Variants in CDIN1 observed in about 807,000 individuals in gnomAD.
The protein encoded by CDIN1 is CDAN1 interacting nuclease 1, also known as CDAN1-interacting nuclease 1.
Under a neutral mutation model 45.3 loss-of-function variants are expected in CDIN1, and 33 were observed. The ratio of observed to expected loss-of-function variants is 0.73; its 90% CI spans 0.55 to 0.97. The LOEUF is 0.97. Ranked by LOEUF, CDIN1 falls within the 50% of genes least tolerant of loss-of-function variation. The pLI is 0.00. For synonymous variants in CDIN1, 118 were observed against 124.4 expected (o/e 0.95, Z 0.34); for missense variants, 303 against 339.4 (o/e 0.89, Z 0.84).
intron 10 of CDIN1, among the ~76,000 whole-genome samples, chr15:36,756,464 C>G (rs2053612419): frequency 6.6e-6 from 1 of 152,212 alleles, no homozygotes; most frequent in Non-Finnish European, 1.5e-5. Context: ...TAACAATCTG[C>G]TCTTTCCCTC....
intron 5 of CDIN1, among the ~76,000 whole-genome samples, chr15:36,687,560 A>G (rs1355868571): frequency 6.6e-6 from 1 of 152,212 alleles, no homozygotes; most frequent in Non-Finnish European, 1.5e-5. Context: ...GCCAAAAGAC[A>G]TACTTACCAA....
At chr15:36,715,514 CG>C (rs980297694) in intron 10 of CDIN1, among the ~76,000 whole-genome samples, 32 of 152,146 alleles carry the variant, frequency 2.1e-4, no homozygotes, top group Non-Finnish European at 4.6e-4. Flanking sequence ...CCAGTTATTT[CG>C]GTCTTGTTAA....
chr15:36,729,199 T>C (rs2043752578), intron 10 of CDIN1, among the ~76,000 whole-genome samples: 1 of 152,168 alleles, frequency 6.6e-6, no homozygotes, highest in South Asian at 2.1e-4. Flanking sequence ...CAGTACCAAT[T>C]GTGGAAATAT....
chr15:36,675,334 A>G (rs894306988), intron 5 of CDIN1, among the ~76,000 whole-genome samples: 3 of 152,118 alleles, frequency 2.0e-5, no homozygotes, highest in African/African-American at 7.2e-5. Context: ...TGTTCTGTTG[A>G]CCACGGCCAC....
chr15:36,586,192 G>C (rs923503566), intron 1 of CDIN1, among the ~76,000 whole-genome samples: 18 of 140,252 alleles, frequency 1.3e-4, no homozygotes, highest in African/African-American at 4.7e-4. Flanking sequence ...TTACCTTTGA[G>C]TTTTTTTTTT....
At chr15:36,754,465 C>A (rs2053555091) in intron 10 of CDIN1, among the ~76,000 whole-genome samples, 1 of 148,768 alleles carries the variant, frequency 6.7e-6, no homozygotes, top group African/African-American at 2.5e-5. Context: ...CAGGCCTAAT[C>A]TTTTTATGGG....
rs187294727 is a variant in CDIN1, at chr15:36,634,356, A to T, written c.102-9922A>T. Among the ~76,000 whole-genome samples the T allele has an allele frequency of 2.0e-3, 306 of 152,202 alleles. 1 individual carries two copies. Among genetic ancestry groups the T allele is most frequent in the African/African-American group, 7.1e-3 (297 of 41,544 alleles). On this transcript the variant is annotated intron_variant, in intron 1 of 10. Transcript: ENST00000566621. ...GGAGAATCCCTTGAACCAGGGAGTC[A>T]GAGGTTGCAGTGAGCCTTGATCGCG... is the stretch of plus-strand genomic sequence containing the variant.
chr15:36,623,958 GA>G (rs1255543026), intron 1 of CDIN1, among the ~76,000 whole-genome samples: 1 of 152,100 alleles, frequency 6.6e-6, no homozygotes, highest in Non-Finnish European at 1.5e-5. Context: ...AGTTTCTTAA[GA>G]AAACACTACT....
At chr15:36,802,198 G>C (rs1186962379) in intron 10 of CDIN1, among the ~76,000 whole-genome samples, 1 of 152,174 alleles carries the variant, frequency 6.6e-6, no homozygotes. Flanking sequence ...GTAAAATGAG[G>C]ATAGTCATAG....
intron 10 of CDIN1, among the ~76,000 whole-genome samples, chr15:36,728,862 C>T (rs1053998976): frequency 2.6e-5 from 4 of 151,852 alleles, no homozygotes; most frequent in Admixed American, 2.6e-4. Context: ...TTAGTAGAGA[C>T]GGGGTTTCAC....
intron 8 of CDIN1, chr15:36,704,407 T>A (rs1349919429): frequency 6.6e-6 from 1 of 152,184 alleles, no homozygotes. Flanking sequence ...GCATGCCTGT[T>A]CTGTGTACCT....
intron 10 of CDIN1, among the ~76,000 whole-genome samples, chr15:36,744,138 T>C (rs2044336661): frequency 6.6e-6 from 1 of 152,080 alleles, no homozygotes; most frequent in African/African-American, 2.4e-5. Flanking sequence ...TGAGGGGACA[T>C]AGCAAAAAAG....
chr15:36,739,396 G>T (rs879416252), intron 10 of CDIN1, among the ~76,000 whole-genome samples: 5 of 151,378 alleles, frequency 3.3e-5, no homozygotes, highest in African/African-American at 4.9e-5. Context: ...TAGAGTGAAA[G>T]CCTGTCTCTA....
At chr15:36,591,662 ATTGC>A (rs959630886) in intron 1 of CDIN1, 1 of 152,236 alleles carries the variant, frequency 6.6e-6, no homozygotes, top group African/African-American at 2.4e-5. Flanking sequence ...ATCATAAAAC[ATTGC>A]TTGGGAGGGA....
At chr15:36,750,651 T>A (rs2053435947) in intron 10 of CDIN1, among the ~76,000 whole-genome samples, 1 of 152,188 alleles carries the variant, frequency 6.6e-6, no homozygotes, top group South Asian at 2.1e-4. Flanking sequence ...GGAGGAGACC[T>A]GTTTTGATCC....
chr15:36,718,406 T>C (rs1434816050), intron 10 of CDIN1, among the ~76,000 whole-genome samples: 1 of 152,284 alleles, frequency 6.6e-6, no homozygotes, highest in East Asian at 1.9e-4. Flanking sequence ...TGCTGCGATT[T>C]AGATTGGGAT....
At position 36,705,179 on chromosome 15, in the gene CDIN1, G is replaced by A. The variant is rs574351705; in HGVS notation, c.545-4044G>A. ...AACTTAAAAATGAATGAAGACCTGG[G>A]TTGTTTTTAAAAATTAACATCATCT... On this transcript the variant is annotated intron_variant, in intron 8 of 10. Coordinates refer to ENST00000566621, the MANE Select transcript of CDIN1 (RefSeq NM_001321759.2). 5.3e-5 allele frequency: 8 copies of A among 152,204 alleles called. No individual in the cohort carries two copies. The East Asian group carries it at 1.5e-3, about 29-fold the overall frequency. The allele number at this position is 152,204 out of a possible 1,614,324, so 9.4% of individuals were successfully genotyped here. A position where few individuals can be genotyped will look rare whatever the true frequency, so the allele number is the denominator to read the frequency against.
At chr15:36,628,216 T>A (rs899754188) in intron 1 of CDIN1, among the ~76,000 whole-genome samples, 2 of 151,968 alleles carry the variant, frequency 1.3e-5, no homozygotes, top group Non-Finnish European at 2.9e-5. Context: ...TGTGGTCAGT[T>A]TTTCCCCCCT....
intron 10 of CDIN1, among the ~76,000 whole-genome samples, chr15:36,789,841 G>C (rs1025368873): frequency 1.3e-5 from 2 of 152,164 alleles, no homozygotes; most frequent in Admixed American, 6.5e-5. Context: ...AATTGACATG[G>C]GGCTAGTGAG....
Sources: allele counts gnomAD v4.1 joint callset (sites outside exome capture counted in the v4.1 genomes callset), GRCh38; gene constraint gnomAD v4.1.1; transcripts MANE v1.5; gene names NCBI Gene and HGNC (gene_info 2026-07-23, HGNC 2026-07-21).